CDH18: variants seen among roughly 807,000 people sequenced by gnomAD.
CDH18 encodes cadherin-18.
Under a neutral mutation model 67.9 loss-of-function variants are expected in CDH18, and 31 were observed. The observed-to-expected ratio is 0.46, with a 90% CI of 0.34 to 0.62. CDH18 has a LOEUF of 0.62. Ranked by LOEUF, CDH18 falls within the 20% of genes least tolerant of loss-of-function variation. The probability of loss-of-function intolerance (pLI) is 0.01; values close to 1 mark genes in which losing one functional copy is unlikely to be tolerated. For synonymous variants in CDH18, 362 were observed against 347.2 expected (o/e 1.04, Z -0.48); for missense variants, 890 against 975.5 (o/e 0.91, Z 1.17).
chr5:20,352,624 CAAAA>C (rs35947411), intron 1 of CDH18, among the ~76,000 whole-genome samples: 2,716 of 89,102 alleles, frequency 0.03, 69 homozygotes, highest in African/African-American at 0.071. Context: ...ACTAAAAATA[CAAAA>C]AAAAAAAAAA....
intron 2 of CDH18, among the ~76,000 whole-genome samples, chr5:20,189,313 C>G (rs1192887131): frequency 3.3e-5 from 5 of 151,952 alleles, no homozygotes; most frequent in African/African-American, 1.2e-4. Flanking sequence ...TTTACAGCAA[C>G]AATTTAGATG....
chr5:19,525,841 C>T (rs1019023612), intron 9 of CDH18, among the ~76,000 whole-genome samples: 64 of 152,138 alleles, frequency 4.2e-4, no homozygotes, highest in African/African-American at 1.4e-3. Context: ...TAAACCTATT[C>T]ATGGGATTTA....
upstream of CDH18, chr5:19,992,131 A>G (rs1368992113): frequency 1.3e-5 from 2 of 152,094 alleles, no homozygotes; most frequent in African/African-American, 4.8e-5. Flanking sequence ...AATTAATTCT[A>G]AAAAGTAGCA....
intron 1 of CDH18, among the ~76,000 whole-genome samples, chr5:20,327,416 A>G (rs1738705548): frequency 6.6e-6 from 1 of 152,152 alleles, no homozygotes; most frequent in Non-Finnish European, 1.5e-5. Context: ...ATGGCAAAAC[A>G]GAGCCTCACG....
At chr5:20,472,415 C>T (rs992865940) in intron 1 of CDH18, among the ~76,000 whole-genome samples, 13 of 151,770 alleles carry the variant, frequency 8.6e-5, no homozygotes, top group African/African-American at 2.2e-4. Flanking sequence ...AATGTAGATC[C>T]GTAGACTGTA....
chr5:19,718,090 C>T (rs1765561397), intron 5 of CDH18, among the ~76,000 whole-genome samples: 1 of 151,798 alleles, frequency 6.6e-6, no homozygotes, highest in South Asian at 2.1e-4. Context: ...ACTCAACAGC[C>T]ACACAATTCA....
chr5:19,681,535 T>C (rs1448741396), intron 5 of CDH18, among the ~76,000 whole-genome samples: 3 of 152,020 alleles, frequency 2.0e-5, no homozygotes, highest in African/African-American at 7.2e-5. Context: ...TGGCTGCTTT[T>C]CCAACATTAT....
chr5:20,363,692 C>T (rs893936682), intron 1 of CDH18, among the ~76,000 whole-genome samples: 3 of 148,168 alleles, frequency 2.0e-5, no homozygotes, highest in African/African-American at 4.9e-5. Flanking sequence ...CATCAGTTTA[C>T]AACAGATCCC....
chr5:19,863,906 AG>A (rs1785171909), intron 2 of CDH18, among the ~76,000 whole-genome samples: 1 of 152,160 alleles, frequency 6.6e-6, no homozygotes, highest in Non-Finnish European at 1.5e-5. Context: ...GTGGAGAAAT[AG>A]GAACACTTTT....
intron 2 of CDH18, among the ~76,000 whole-genome samples, chr5:19,887,286 C>A (rs1465558332): frequency 1.3e-5 from 2 of 151,596 alleles, no homozygotes; most frequent in African/African-American, 2.4e-5. Context: ...GTAGCTATTT[C>A]TCCTTATCTC....
chr5:19,503,580 T>C (rs931578069), intron 10 of CDH18, among the ~76,000 whole-genome samples: 1 of 152,112 alleles, frequency 6.6e-6, no homozygotes, highest in African/African-American at 2.4e-5. Context: ...AAGATCATGA[T>C]CTAGTCCCTG....
chr5:20,292,980 A>T (rs1747217182), intron 1 of CDH18, among the ~76,000 whole-genome samples: 1 of 152,112 alleles, frequency 6.6e-6, no homozygotes, highest in Non-Finnish European at 1.5e-5. Context: ...CTTTTAGGGG[A>T]CACAACTCAA....
At chr5:20,313,867 A>G (rs757369493) in intron 1 of CDH18, among the ~76,000 whole-genome samples, 4 of 152,066 alleles carry the variant, frequency 2.6e-5, no homozygotes, top group East Asian at 1.9e-4. Flanking sequence ...TTATCTTTCA[A>G]ATTTCCTTGG....
intron 5 of CDH18, among the ~76,000 whole-genome samples, chr5:19,655,351 T>C (rs970764063): frequency 1.3e-5 from 2 of 152,098 alleles, no homozygotes; most frequent in South Asian, 2.1e-4. Flanking sequence ...TTAATAATTA[T>C]ATGCATTTGT....
rs73055637 is a variant in CDH18, at chr5:19,695,698, T to A, written c.643+25649A>T. 9.4e-3 allele frequency among the ~76,000 whole-genome samples: 1,437 copies of A among 152,316 alleles called. 23 individuals are homozygous for A. Among genetic ancestry groups the A allele is most frequent in the African/African-American group, 0.033 (1,380 of 41,550 alleles). On this transcript the variant is annotated intron_variant, in intron 5 of 12. Coordinates refer to ENST00000382275, the MANE Select transcript of CDH18 (RefSeq NM_004934.5). ...GGTTAGTGCTGTGTGAGTTGACATT[T>A]CCTATAACTTCAACTCTAAAGATCC...
intron 2 of CDH18, among the ~76,000 whole-genome samples, chr5:20,141,082 C>A (rs371987656): frequency 1.3e-5 from 2 of 152,104 alleles, no homozygotes; most frequent in Non-Finnish European, 2.9e-5. Context: ...TACTCTGCAT[C>A]CCCAGGAAGA....
intron 2 of CDH18, among the ~76,000 whole-genome samples, chr5:20,078,266 A>G (rs1430689506): frequency 6.6e-6 from 1 of 151,960 alleles, no homozygotes; most frequent in East Asian, 2.0e-4. Context: ...GTTAGAGACC[A>G]GTTGGCCAAC....
chr5:19,968,050 GACAA>G (rs1337564161), intron 2 of CDH18, among the ~76,000 whole-genome samples: 2 of 150,298 alleles, frequency 1.3e-5, no homozygotes, highest in Admixed American at 6.6e-5. Flanking sequence ...ACCAATAACA[GACAA>G]ACAGAGAGCC....
intron 1 of CDH18, among the ~76,000 whole-genome samples, chr5:19,987,675 T>C (rs1166711680): frequency 1.3e-5 from 2 of 152,178 alleles, no homozygotes; most frequent in Non-Finnish European, 2.9e-5. Flanking sequence ...TCAGTGCCCC[T>C]GTTTCTATTC....
Sources: allele counts gnomAD v4.1 joint callset (sites outside exome capture counted in the v4.1 genomes callset), GRCh38; gene constraint gnomAD v4.1.1; transcripts MANE v1.5; gene names NCBI Gene and HGNC (gene_info 2026-07-23, HGNC 2026-07-21).